PHACTR1: variants seen among roughly 807,000 people sequenced by gnomAD.
PHACTR1 encodes RPEL repeat containing 1.
A neutral mutation model predicts 69.2 loss-of-function variants in PHACTR1; 16 were observed. The observed-to-expected ratio is 0.23, with a 90% confidence interval of 0.16 to 0.35. The LOEUF is 0.35. Ranked by LOEUF, PHACTR1 falls within the 10% of genes least tolerant of loss-of-function variation. The probability of loss-of-function intolerance (pLI) is 1.00; values close to 1 mark genes in which losing one functional copy is unlikely to be tolerated. For synonymous variants in PHACTR1, 312 were observed against 284.5 expected (o/e 1.10, Z -0.97); for missense variants, 510 against 734.7 (o/e 0.69, Z 3.54).
intron 4 of PHACTR1, among the ~76,000 whole-genome samples, chr6:12,933,228 C>A (rs1244347064): frequency 6.6e-6 from 1 of 152,166 alleles, no homozygotes; most frequent in African/African-American, 2.4e-5. Context: ...CAGGCATGAG[C>A]CACTACACCT....
At chr6:12,949,208 T>C (rs185275513) in intron 4 of PHACTR1, among the ~76,000 whole-genome samples, 2 of 147,600 alleles carry the variant, frequency 1.4e-5, no homozygotes, top group East Asian at 3.9e-4. Context: ...AGGCGGAGAT[T>C]GTGGTGACCC....
In PHACTR1 at chr6:12,830,473, G is replaced by A. The variant is rs185079106; in HGVS notation, c.250+80683G>A. Among the ~76,000 whole-genome samples the A allele has an allele frequency of 6.6e-5, 10 of 152,010 alleles. No individual in the cohort carries two copies. In the East Asian group the frequency reaches 1.7e-3, roughly 26 times the overall value. On this transcript the variant is annotated intron_variant, in intron 4 of 14. Coordinates refer to ENST00000332995, the MANE Select transcript of PHACTR1 (RefSeq NM_030948.6). The stretch of plus-strand genomic sequence containing the variant: ...TGTTAATAGAAATGATGACTAGAAG[G>A]AGAGAGGGGGAGGGAAACCGAAGAG...
intron 5 of PHACTR1, among the ~76,000 whole-genome samples, chr6:13,123,395 CAAG>C (rs1051604197): frequency 1.4e-4 from 22 of 152,270 alleles, no homozygotes; most frequent in African/African-American, 5.1e-4. Flanking sequence ...AAATGAAGGA[CAAG>C]AAGGAGAGCA....
At chr6:12,734,272 A>G (rs545064038) in intron 3 of PHACTR1, among the ~76,000 whole-genome samples, 3 of 152,316 alleles carry the variant, frequency 2.0e-5, no homozygotes, top group Admixed American at 2.0e-4. Flanking sequence ...TAACTTTTTT[A>G]CAAGGTCTAA....
chr6:13,261,069 C>T (rs563819673), intron 10 of PHACTR1, among the ~76,000 whole-genome samples: 2 of 152,206 alleles, frequency 1.3e-5, no homozygotes, highest in South Asian at 4.1e-4. Context: ...TCAGACATTA[C>T]CAAATGCATC....
At chr6:13,043,930 C>T (rs1401359010) in intron 4 of PHACTR1, among the ~76,000 whole-genome samples, 2 of 152,062 alleles carry the variant, frequency 1.3e-5, no homozygotes, top group African/African-American at 4.8e-5. Context: ...AAATGAACAA[C>T]AGAATGTTTT....
At chr6:12,860,713 A>C (rs1582140627) in intron 4 of PHACTR1, among the ~76,000 whole-genome samples, 1 of 152,056 alleles carries the variant, frequency 6.6e-6, no homozygotes, top group Admixed American at 6.5e-5. Context: ...ATGGTATCTC[A>C]TTGTGGTTTT....
intron 3 of PHACTR1, among the ~76,000 whole-genome samples, chr6:12,746,304 T>G (rs992319163): frequency 1.3e-5 from 2 of 152,178 alleles, no homozygotes; most frequent in Non-Finnish European, 2.9e-5. Context: ...GAGGCTGAAT[T>G]GGGCGGATTG....
intron 10 of PHACTR1, among the ~76,000 whole-genome samples, chr6:13,233,802 AAGT>A (rs1381762421): frequency 6.6e-6 from 1 of 152,220 alleles, no homozygotes; most frequent in Admixed American, 6.5e-5. Context: ...CAGAAAGACA[AAGT>A]AGAGAAGGCA....
At chr6:12,815,659 C>T (rs905818234) in intron 4 of PHACTR1, among the ~76,000 whole-genome samples, 3 of 152,164 alleles carry the variant, frequency 2.0e-5, no homozygotes, top group Non-Finnish European at 2.9e-5. Context: ...ACATCCAAAA[C>T]GGGGAAAATA....
Position 13,022,344 on chromosome 6 carries a change from G to A in PHACTR1, c.251-31021G>A, listed in dbSNP as rs181797760. ...ATGAATTTACTTCCATTCTGCTGGA[G>A]GTGCCTAAAACCTATCTAGATCAGG... is the stretch of plus-strand genomic sequence containing the variant. On this transcript the variant is annotated intron_variant, in intron 4 of 14. Coordinates refer to ENST00000332995, the MANE Select transcript of PHACTR1 (RefSeq NM_030948.6). 7.9e-5 allele frequency among the ~76,000 whole-genome samples: 12 copies of A among 152,288 alleles called. No homozygotes were observed. The East Asian group carries it at 2.3e-3, about 29-fold the overall frequency.
intron 4 of PHACTR1, among the ~76,000 whole-genome samples, chr6:12,962,284 A>G (rs1792851256): frequency 6.6e-6 from 1 of 152,068 alleles, no homozygotes; most frequent in South Asian, 2.1e-4. Context: ...TTATGACCCC[A>G]TTTAACCTTA....
At chr6:12,833,413 C>T (rs1777801670) in intron 4 of PHACTR1, among the ~76,000 whole-genome samples, 1 of 151,960 alleles carries the variant, frequency 6.6e-6, no homozygotes, top group African/African-American at 2.4e-5. Context: ...TGCCCACCAC[C>T]ACACCTGGCT....
At chr6:13,222,924 T>G (rs1768918967) in intron 8 of PHACTR1, among the ~76,000 whole-genome samples, 1 of 152,358 alleles carries the variant, frequency 6.6e-6, no homozygotes, top group South Asian at 2.1e-4. Flanking sequence ...ATCTGCATCA[T>G]TGGTGGTACA....
At chr6:12,867,552 A>C (rs1446506376) in intron 4 of PHACTR1, among the ~76,000 whole-genome samples, 1 of 152,202 alleles carries the variant, frequency 6.6e-6, no homozygotes, top group Non-Finnish European at 1.5e-5. Context: ...CCAGAGGTTA[A>C]TTAATTCAAT....
At position 13,206,128 on chromosome 6, in the gene PHACTR1, G is replaced by A. The variant is rs1435808837; in HGVS notation, c.978G>A (p.Arg326=). ...AAACGCTGGCCATGACCATGCAGAGGCTGGAAAGGTAAAGGTGGGCACCAG... is the reference window on the plus strand; with the variant it reads ...AAACGCTGGCCATGACCATGCAGAGACTGGAAAGGTAAAGGTGGGCACCAG... ...LNKTLAMTMQ[R]LESSEQRVPC... The change falls in exon 8 of 15, where the codon AGG becomes AGA. Residue 326 remains arginine, a synonymous_variant. Transcript: ENST00000332995. 9 of 1,591,962 alleles carry A rather than the reference G, an allele frequency of 5.7e-6. No homozygotes were observed. The highest frequency in any genetic ancestry group is 7.7e-6 in the Non-Finnish European group (9 of 1,166,864).
intron 4 of PHACTR1, among the ~76,000 whole-genome samples, chr6:12,931,884 C>T (rs1196912098): frequency 6.6e-6 from 1 of 151,856 alleles, no homozygotes; most frequent in Non-Finnish European, 1.5e-5. Context: ...TACCTTGGTA[C>T]TCAGATTTCA....
chr6:13,146,239 T>G (rs539944522), intron 5 of PHACTR1, among the ~76,000 whole-genome samples: 4 of 152,330 alleles, frequency 2.6e-5, no homozygotes, highest in African/African-American at 9.6e-5. Context: ...TCCTAATACA[T>G]AATAAGTGTT....
chr6:12,743,548 G>A (rs1404673851), intron 3 of PHACTR1, among the ~76,000 whole-genome samples: 1 of 151,988 alleles, frequency 6.6e-6, no homozygotes, highest in Non-Finnish European at 1.5e-5. Flanking sequence ...AGATAACCTG[G>A]GGCTGCTGGG....
Sources: gnomAD v4.1 joint callset for allele counts (sites outside exome capture counted in the v4.1 genomes callset) on GRCh38, gnomAD v4.1.1 for gene constraint, MANE v1.5 for transcripts, NCBI Gene and HGNC (gene_info 2026-07-23, HGNC 2026-07-21) for gene names.